Variants in NOL9 observed in about 807,000 individuals in gnomAD.
NOL9 encodes polynucleotide 5'-hydroxyl-kinase NOL9.
NOL9 carries 28 observed loss-of-function variants against 67.9 expected under a neutral mutation model. That is an observed-to-expected ratio of 0.41 (90% CI 0.31 to 0.57). The LOEUF (loss-of-function observed/expected upper bound fraction) is 0.57. Ranked by LOEUF, NOL9 falls within the 20% of genes least tolerant of loss-of-function variation. The pLI, the probability that NOL9 is intolerant of heterozygous loss-of-function variation, is 0.25. For missense variants in NOL9, 777 were observed against 897.0 expected (o/e 0.87, Z 1.71); for synonymous variants, 356 against 352.2 (o/e 1.01, Z -0.12).
At chr1:6,545,532 T>A (rs1639400615) in intron 3 of NOL9, among the ~76,000 whole-genome samples, 1 of 151,966 alleles carries the variant, frequency 6.6e-6, no homozygotes, top group Non-Finnish European at 1.5e-5. Flanking sequence ...TCTGAAAACA[T>A]AAAGCAAAAA....
rs983007241 is a variant in NOL9 at position 6,522,387 on chromosome 1, T to A, written c.*3467A>T. 1 of 150,298 alleles carries A rather than the reference T, an allele frequency of 6.7e-6. No individual in the cohort carries two copies. Among genetic ancestry groups the A allele is most frequent in the African/African-American group, 2.5e-5 (1 of 40,692 alleles). The allele number at this position is 150,298 out of a possible 1,614,324, so 9.3% of individuals were successfully genotyped here. On this transcript the variant is annotated 3_prime_UTR_variant, in exon 12 of 12. Coordinates refer to ENST00000377705, the MANE Select transcript of NOL9 (RefSeq NM_024654.5). ...CAATAAAGTGAAACGCCATCTCTAC[T>A]AAAAATACAAAAATTAGCTGGGTGT...
In NOL9 at chr1:6,523,545, C is replaced by G. The variant is rs974797316; in HGVS notation, c.*2309G>C. The stretch of plus-strand genomic sequence containing the variant: ...AGTGAGCCCAGATTGCGCCACTGCA[C>G]TCCAGCCTGGGCAACAAGAGCGAAA... On this transcript the variant is annotated 3_prime_UTR_variant, in exon 12 of 12. Transcript: ENST00000377705. 4 of 137,022 alleles carry G rather than the reference C, an allele frequency of 2.9e-5. No individual in the cohort carries two copies. The East Asian group carries it at 8.9e-4, about 30-fold the overall frequency. 8.5% of individuals were successfully genotyped at this position (137,022 alleles called of 1,614,324 possible). A position where few individuals can be genotyped will look rare whatever the true frequency, so the allele number is the denominator to read the frequency against.
intron 6 of NOL9, among the ~76,000 whole-genome samples, chr1:6,536,707 G>A (rs1332072532): frequency 6.6e-6 from 1 of 151,860 alleles, no homozygotes; most frequent in African/African-American, 2.4e-5. Flanking sequence ...GTGCATACCT[G>A]TTTTCCCAGC....
chr1:6,521,559 G>A lies in NOL9; in HGVS notation c.*4295C>T, dbSNP rs1327160740. On this transcript the variant is annotated 3_prime_UTR_variant, in exon 12 of 12. Coordinates refer to ENST00000377705, the MANE Select transcript of NOL9 (RefSeq NM_024654.5). ...TTATAAAATTTTAAAAGCAACAAGT[G>A]GGGGTTTATGAAAAACTTTCAGGAA... 4 of 152,192 alleles carry A rather than the reference G, an allele frequency of 2.6e-5. No individual in the cohort carries two copies. The highest frequency in any genetic ancestry group is 9.7e-5 in the African/African-American group (4 of 41,444). The allele number at this position is 152,192 out of a possible 1,614,324, so 9.4% of individuals were successfully genotyped here. A position where few individuals can be genotyped will look rare whatever the true frequency, so the allele number is the denominator to read the frequency against.
At chr1:6,548,646 T>A in intron 3 of NOL9, 1 of 310,226 alleles carries the variant, frequency 3.2e-6, no homozygotes, top group Non-Finnish European at 6.5e-6. Context: ...TTTTGACTAA[T>A]AAAAATTAAG....
In NOL9 at chr1:6,532,070, A is replaced by G. The variant is rs148428201; in HGVS notation, c.1545T>C (p.His515=). 47 of 1,613,916 alleles carry G rather than the reference A, an allele frequency of 2.9e-5. No individual in the cohort carries two copies. In the African/African-American group the frequency reaches 4.4e-4, roughly 15 times the overall value. Residue 515 remains histidine, a synonymous_variant, in exon 9 of 12, where the codon CAT becomes CAC. Transcript: ENST00000377705. ...FRITPRNRES[H]NKILRDLSIL... ...TGGACAGATCTCGAAGAATTTTGTT[A>G]TGTGACTCTCTGAAAGGCAAATCAC... is the stretch of plus-strand genomic sequence containing the variant.
At chr1:6,532,798 A>G (rs1639062241) in intron 7 of NOL9, 38 bp from the exon 8 acceptor site, 1 of 1,559,944 alleles carries the variant, frequency 6.4e-7, no homozygotes, top group African/African-American at 1.4e-5. Context: ...GATACACTCA[A>G]GAACAGTGAC....
At position 6,521,820 on chromosome 1, in the gene NOL9, T is replaced by C. The variant is rs1638776034; in HGVS notation, c.*4034A>G. On this transcript the variant is annotated 3_prime_UTR_variant, in exon 12 of 12. Transcript: ENST00000377705. ...TACACACTAGGAGTTACTGACCGTTTCTACATGCCGGAGACTGTGCTACAT... is the reference window on the plus strand; with the variant it reads ...TACACACTAGGAGTTACTGACCGTTCCTACATGCCGGAGACTGTGCTACAT... 6.6e-6 allele frequency: 1 copy of C among 152,232 alleles called. No homozygotes were observed. The highest frequency in any genetic ancestry group is 1.5e-5 in the Non-Finnish European group (1 of 68,056). The allele number at this position is 152,232 out of a possible 1,614,324, so 9.4% of individuals were successfully genotyped here.
intron 4 of NOL9, 44 bp downstream of exon 4, chr1:6,545,001 G>T: frequency 6.2e-7 from 1 of 1,614,038 alleles, no homozygotes; most frequent in Non-Finnish European, 8.5e-7. Context: ...TCCTCTGGGG[G>T]TCTGGTGGAC....
Position 6,525,856 on chromosome 1 carries a change from A to T in NOL9, c.2107T>A (p.Ter703ArgextTer5). Residue 703 changes from the stop codon to arginine, a stop_lost, in exon 12 of 12, where the codon TGA becomes AGA. Coordinates refer to ENST00000377705, the MANE Select transcript of NOL9 (RefSeq NM_024654.5). ...RRPKFCRKMK[*>R] ...TTCCCTTATTAAAAACGCGAGCATC[A>T]CTTCATTTTTCGACAGAACTTAGGT... 8.1e-6 allele frequency: 13 copies of T among 1,613,860 alleles called. No homozygotes were observed. The highest frequency in any genetic ancestry group is 1.0e-5 in the Non-Finnish European group (12 of 1,179,932).
At position 6,549,688 on chromosome 1, in the gene NOL9, A is replaced by G. The variant is rs1639500136; in HGVS notation, c.627T>C (p.Arg209=). 3.7e-6 allele frequency: 6 copies of G among 1,614,060 alleles called. No homozygotes were observed. The East Asian group carries it at 1.3e-4, about 36-fold the overall frequency. The change falls in exon 3 of 12, where the codon CGT becomes CGC. Residue 209 remains arginine (R), a synonymous_variant. Transcript: ENST00000377705. The part of the protein sequence containing the change: ...LKSHLNLDDR[R]WSMQNFSPQC... ...GAGGAGAAAAATTCTGCATCGACCAACGCCTGTCATCTGTAAAGAGAAAAA... is the reference window on the plus strand; with the variant it reads ...GAGGAGAAAAATTCTGCATCGACCAGCGCCTGTCATCTGTAAAGAGAAAAA...
chr1:6,529,011 C>G lies in NOL9; in HGVS notation c.1808G>C (p.Cys603Ser), dbSNP rs1213010846. The G allele has an allele frequency of 2.4e-5, 38 of 1,613,944 alleles. No homozygotes were observed. The highest frequency in any genetic ancestry group is 3.2e-5 in the Non-Finnish European group (38 of 1,180,034). Residue 603 changes from cysteine to serine, a missense_variant, in exon 10 of 12, where the codon TGT (cysteine) becomes TCT (serine). Physicochemically the swap from Cys to Ser is moderately radical, Grantham distance 112 (BLOSUM62 -1). Around this residue, in one of 2 missense-constraint regions of NOL9, gnomAD observed 413 missense variants for 552.6 expected, o/e 0.75. Coordinates refer to ENST00000377705, the MANE Select transcript of NOL9 (RefSeq NM_024654.5). ...GPILLAQTPI[C>S]DCLGFGICRG... ...AGACTCACCAAAGCCCAAGCAGTCACAGATTGGAGTCTGGGCAAGCAGGAT... is the reference window on the plus strand; with the variant it reads ...AGACTCACCAAAGCCCAAGCAGTCAGAGATTGGAGTCTGGGCAAGCAGGAT...
intron 6 of NOL9, among the ~76,000 whole-genome samples, chr1:6,534,313 C>T (rs1416826030): frequency 6.6e-6 from 1 of 152,102 alleles, no homozygotes; most frequent in Non-Finnish European, 1.5e-5. Context: ...TGGTTTAAAC[C>T]CAGAGGGGCC....
chr1:6,542,035 C>T (rs1177128103), intron 5 of NOL9, 108 bp from the exon 6 acceptor site: 4 of 583,086 alleles, frequency 6.9e-6, no homozygotes, highest in Non-Finnish European at 1.2e-5. Flanking sequence ...GCATAATCCA[C>T]CACACACAGC....
Position 6,549,602 on chromosome 1 carries a change from T to C in NOL9, c.713A>G (p.Tyr238Cys), listed in dbSNP as rs571857364. ...CACAAAAATGTAGGATGAACCCGGA[T>C]AGCTGGTTATGAAGTTTACAGTGGC... ...KTATVNFITS[Y>C]PGSSYIFVQE... The change falls in exon 3 of 12, where the codon TAT becomes TGT. Residue 238 changes from tyrosine to cysteine, a missense_variant. Physicochemically the swap from Tyr to Cys is radical, Grantham distance 194 (BLOSUM62 -2). Around this residue, in one of 2 missense-constraint regions of NOL9, gnomAD observed 364 missense variants for 344.4 expected, o/e 1.06. Transcript: ENST00000377705. The C allele has an allele frequency of 6.8e-6, 11 of 1,614,078 alleles. No individual in the cohort carries two copies. The South Asian group carries it at 7.7e-5, about 11-fold the overall frequency.
chr1:6,538,734 G>C (rs1166918730), intron 6 of NOL9, among the ~76,000 whole-genome samples: 1 of 151,878 alleles, frequency 6.6e-6, no homozygotes, highest in Non-Finnish European at 1.5e-5. Flanking sequence ...TGTAATCCCA[G>C]CATTTTGGGA....
intron 6 of NOL9, among the ~76,000 whole-genome samples, chr1:6,536,303 G>A (rs1210780637): frequency 2.0e-5 from 3 of 152,124 alleles, no homozygotes; most frequent in Non-Finnish European, 2.9e-5. Context: ...CCGAGATCAC[G>A]CCACTGCACT....
chr1:6,530,603 A>G (rs1405308699), intron 9 of NOL9, among the ~76,000 whole-genome samples: 6 of 152,256 alleles, frequency 3.9e-5, no homozygotes, highest in Non-Finnish European at 7.3e-5. Flanking sequence ...TAGACTCTCC[A>G]GGGGAGATAA....
chr1:6,543,486 C>T (rs567327096), intron 5 of NOL9, among the ~76,000 whole-genome samples: 2 of 151,868 alleles, frequency 1.3e-5, no homozygotes, highest in East Asian at 1.9e-4. Flanking sequence ...TGAGCCACTG[C>T]GCCCAGGCTT....
Sources: gnomAD v4.1 joint callset for allele counts (sites outside exome capture counted in the v4.1 genomes callset) on GRCh38, gnomAD v4.1.1 for gene constraint, gnomAD v4.1.1 regional missense constraint, MANE v1.5 for transcripts, NCBI Gene and HGNC (gene_info 2026-07-23, HGNC 2026-07-21) for gene names.